The following DCTN4 variants were observed in gnomAD, a reference collection of about 807,000 sequenced individuals.
The protein encoded by DCTN4 is dynactin 4 (p62).
In DCTN4, 23 loss-of-function variants were observed where a neutral mutation model predicts 62.7. The observed-to-expected ratio is 0.37, with a 90% CI of 0.26 to 0.52. DCTN4 has a LOEUF of 0.52. Ranked by LOEUF, DCTN4 falls within the 20% of genes least tolerant of loss-of-function variation. The pLI, the probability that DCTN4 is intolerant of heterozygous loss-of-function variation, is 0.92. For synonymous variants in DCTN4, 199 were observed against 202.1 expected, an observed-to-expected ratio of 0.98 and a Z score of 0.13; for missense variants, 514 against 580.4, an observed-to-expected ratio of 0.89 and a Z score of 1.18.
chr5:150,715,084 A>G (rs775821337), intron 12 of DCTN4, among the ~76,000 whole-genome samples: 1 of 149,640 alleles, frequency 6.7e-6, no homozygotes, highest in Non-Finnish European at 1.5e-5. Context: ...TGATGGTCAC[A>G]GTCCCCAGTT....
chr5:150,711,506 A>ATT, intron 12 of DCTN4, 144 bp from the exon 13 acceptor site: 1 of 702,374 alleles, frequency 1.4e-6, no homozygotes, highest in East Asian at 2.7e-5. Context: ...CCTACCAAGT[A>ATT]TTTTTTTGTT....
chr5:150,739,256 C>G (rs1367714222), intron 4 of DCTN4, among the ~76,000 whole-genome samples: 1 of 151,884 alleles, frequency 6.6e-6, no homozygotes, highest in Non-Finnish European at 1.5e-5. Flanking sequence ...AGTAGCACTG[C>G]TATACACCAA....
At chr5:150,717,115 T>C (rs766508801) in intron 11 of DCTN4, among the ~76,000 whole-genome samples, 7 of 152,194 alleles carry the variant, frequency 4.6e-5, no homozygotes, top group African/African-American at 9.7e-5. Context: ...TGCTGAATTA[T>C]GAATTAGTAA....
intron 2 of DCTN4, among the ~76,000 whole-genome samples, chr5:150,756,200 C>T (rs1297382749): frequency 6.6e-6 from 1 of 151,984 alleles, no homozygotes; most frequent in Non-Finnish European, 1.5e-5. Flanking sequence ...TGCCACCACA[C>T]CTAGCTAATT....
At chr5:150,716,427 A>G (rs535265133) in intron 11 of DCTN4, among the ~76,000 whole-genome samples, 1 of 152,316 alleles carries the variant, frequency 6.6e-6, no homozygotes, top group Admixed American at 6.5e-5. Flanking sequence ...AACAATTAGC[A>G]TTCTTCAGAC....
intron 8 of DCTN4, 131 bp from the exon 9 acceptor site, chr5:150,723,111 G>C (rs1434720724): frequency 1.6e-6 from 1 of 637,268 alleles, no homozygotes; most frequent in Non-Finnish European, 2.6e-6. Context: ...AAGACCATAT[G>C]TTTTTGAATA....
chr5:150,711,389 T>C (rs1759559315), intron 12 of DCTN4, 27 bp from the exon 13 acceptor site: 1 of 1,587,278 alleles, frequency 6.3e-7, no homozygotes, highest in African/African-American at 1.4e-5. Context: ...AAGCAAGTAT[T>C]AGGTAGATAA....
intron 4 of DCTN4, among the ~76,000 whole-genome samples, 184 bp downstream of exon 4, chr5:150,741,930 T>G (rs1760784373): frequency 6.6e-6 from 1 of 152,226 alleles, no homozygotes; most frequent in African/African-American, 2.4e-5. Flanking sequence ...TCCATTATCT[T>G]AAGTCATTTG....
rs769572145 is a variant in DCTN4, at chr5:150,711,284, G to T, written c.1248C>A (p.Thr416=). 2 of 1,613,370 alleles carry T rather than the reference G, an allele frequency of 1.2e-6. No homozygotes were observed. Among genetic ancestry groups the T allele is most frequent in the South Asian group, 1.1e-5 (1 of 91,028 alleles). ...VTPQREEGEV[T]VCFKMKHDFK... Reference sequence around the variant, plus strand: ...AATCATGCTTCATCTTGAAGCACACGGTCACTTCACCCTCCTCACGCTGTG... The same window carrying T: ...AATCATGCTTCATCTTGAAGCACACTGTCACTTCACCCTCCTCACGCTGTG... The change falls in exon 13 of 13, where the codon ACC becomes ACA. Residue 416 remains threonine (T), a synonymous_variant. Coordinates refer to ENST00000447998, the MANE Select transcript of DCTN4 (RefSeq NM_016221.4).
intron 8 of DCTN4, 133 bp downstream of exon 8, chr5:150,730,498 A>G: frequency 1.4e-6 from 1 of 740,690 alleles, no homozygotes; most frequent in East Asian, 2.7e-5. Context: ...AGTGCCTGGC[A>G]ATTAGTATGT....
chr5:150,709,393 C>T lies in DCTN4; in HGVS notation c.*1756G>A, dbSNP rs1283736630. The T allele has an allele frequency of 6.6e-6, 1 of 152,268 alleles. No homozygotes were observed. Among genetic ancestry groups the T allele is most frequent in the Non-Finnish European group, 1.5e-5 (1 of 68,024 alleles). 9.4% of individuals were successfully genotyped at this position (152,268 alleles called of 1,614,324 possible). A position where few individuals can be genotyped will look rare whatever the true frequency, so the allele number is the denominator to read the frequency against. ...TATGAAGCTATTCTCTACTCTATGC[C>T]CATTTCCTCCACTGGCAAATATGGA... On this transcript the variant is annotated 3_prime_UTR_variant, in exon 13 of 13. Transcript: ENST00000447998.
At chr5:150,749,605 C>T (rs1387148045) in intron 3 of DCTN4, among the ~76,000 whole-genome samples, 3 of 151,782 alleles carry the variant, frequency 2.0e-5, no homozygotes, top group African/African-American at 4.9e-5. Context: ...TGCTAGAGTC[C>T]AGGAGTTGGA....
At chr5:150,730,605 G>T (rs1402847160) in intron 8 of DCTN4, 26 bp downstream of exon 8, 1 of 1,593,318 alleles carries the variant, frequency 6.3e-7, no homozygotes, top group African/African-American at 1.3e-5. Flanking sequence ...TGTACAAATG[G>T]TCAGTCTACA....
At chr5:150,753,786 C>A (rs1310775625) in intron 2 of DCTN4, 129 bp from the exon 3 acceptor site, 1 of 906,016 alleles carries the variant, frequency 1.1e-6, no homozygotes, top group African/African-American at 1.7e-5. Context: ...ACCAACTTTG[C>A]TTTAACAGTT....
chr5:150,749,680 G>A lies in DCTN4; in HGVS notation c.385+3799C>T, dbSNP rs139440001. On this transcript the variant is annotated intron_variant, in intron 3 of 12. Coordinates refer to ENST00000447998, the MANE Select transcript of DCTN4 (RefSeq NM_016221.4). ...TAAAAAATAAAAAAAAATAAAAATA[G>A]TTTGGCAGCTTCTAGACAAATTAAA... 4.0e-5 allele frequency among the ~76,000 whole-genome samples: 6 copies of A among 151,748 alleles called. 1 individual carries two copies. Among genetic ancestry groups the A allele is most frequent in the Admixed American group, 3.9e-4 (6 of 15,232 alleles).
intron 5 of DCTN4, 105 bp downstream of exon 5, chr5:150,733,263 C>CT (rs1385155185): frequency 1.4e-6 from 1 of 710,640 alleles, no homozygotes; most frequent in Non-Finnish European, 2.3e-6. Flanking sequence ...ATCCCTCTCT[C>CT]TGATATCCAC....
chr5:150,735,909 G>A (rs1760562292), intron 4 of DCTN4, among the ~76,000 whole-genome samples: 1 of 133,584 alleles, frequency 7.5e-6, no homozygotes, highest in African/African-American at 3.3e-5. Flanking sequence ...CCAACTTAAG[G>A]GAATTAAAAA....
chr5:150,736,358 C>T (rs985734141), intron 4 of DCTN4: 2 of 152,148 alleles, frequency 1.3e-5, no homozygotes, highest in Non-Finnish European at 2.9e-5. Flanking sequence ...AGTTATGAGG[C>T]AAAAACATCA....
chr5:150,729,539 T>A (rs1760280429), intron 8 of DCTN4, among the ~76,000 whole-genome samples: 1 of 151,862 alleles, frequency 6.6e-6, no homozygotes, highest in Non-Finnish European at 1.5e-5. Context: ...TCTGTATGTA[T>A]CTCCAAAAGA....
Sources: gnomAD v4.1 joint callset for allele counts (sites outside exome capture counted in the v4.1 genomes callset) on GRCh38, gnomAD v4.1.1 for gene constraint, MANE v1.5 for transcripts, NCBI Gene and HGNC (gene_info 2026-07-23, HGNC 2026-07-21) for gene names.